CNTNAP2: variants seen among roughly 807,000 people sequenced by gnomAD.
The protein encoded by CNTNAP2 is contactin-associated protein-like 2.
CNTNAP2 carries 98 observed loss-of-function variants against 155.2 expected under a neutral mutation model. The observed-to-expected ratio is 0.63, with a 90% CI of 0.54 to 0.75. The LOEUF (loss-of-function observed/expected upper bound fraction) is 0.75. Among genes scored for constraint, CNTNAP2 ranks in the 30% least tolerant of loss-of-function variants. The probability of loss-of-function intolerance (pLI) is 0.00; values close to 1 mark genes in which losing one functional copy is unlikely to be tolerated. For synonymous variants in CNTNAP2, 651 were observed against 631.2 expected (o/e 1.03, Z -0.47); for missense variants, 1,727 against 1,688.1 (o/e 1.02, Z -0.40).
At chr7:146,302,586 G>C (rs1800630017) in intron 1 of CNTNAP2, among the ~76,000 whole-genome samples, 1 of 152,090 alleles carries the variant, frequency 6.6e-6, no homozygotes, top group Non-Finnish European at 1.5e-5. Context: ...GCACAATATT[G>C]CGTATCTAAA....
chr7:146,840,579 T>G (rs1311618419), intron 3 of CNTNAP2, among the ~76,000 whole-genome samples: 1 of 151,852 alleles, frequency 6.6e-6, no homozygotes, highest in African/African-American at 2.4e-5. Context: ...TCATCAATAT[T>G]AAACCAGAAG....
intron 1 of CNTNAP2, among the ~76,000 whole-genome samples, chr7:146,248,623 G>T (rs1799704691): frequency 6.6e-6 from 1 of 152,182 alleles, no homozygotes; most frequent in Non-Finnish European, 1.5e-5. Flanking sequence ...GAGGTTGAGG[G>T]ATGGTGAGGG....
intron 3 of CNTNAP2, among the ~76,000 whole-genome samples, chr7:147,039,333 A>G (rs952781152): frequency 2.0e-5 from 3 of 152,020 alleles, no homozygotes; most frequent in Non-Finnish European, 4.4e-5. Flanking sequence ...CCAGTACCCA[A>G]TAGTTATCCT....
intron 1 of CNTNAP2, among the ~76,000 whole-genome samples, chr7:146,382,105 T>C (rs1376179624): frequency 1.3e-5 from 2 of 152,310 alleles, no homozygotes; most frequent in East Asian, 3.9e-4. Flanking sequence ...GAGCAAGGTA[T>C]TGTCAGGTTA....
At chr7:147,573,550 A>G (rs1208239268) in intron 12 of CNTNAP2, among the ~76,000 whole-genome samples, 2 of 152,188 alleles carry the variant, frequency 1.3e-5, no homozygotes, top group Admixed American at 6.5e-5. Context: ...TTGAGAGATG[A>G]AATGAATGCC....
intron 16 of CNTNAP2, among the ~76,000 whole-genome samples, chr7:148,135,712 G>T (rs923822336): frequency 6.6e-6 from 1 of 150,652 alleles, no homozygotes. Context: ...AGCTGGGTGT[G>T]GTGGCAGGTG....
At chr7:146,568,071 T>C (rs909741643) in intron 1 of CNTNAP2, among the ~76,000 whole-genome samples, 1 of 152,176 alleles carries the variant, frequency 6.6e-6, no homozygotes, top group Non-Finnish European at 1.5e-5. Context: ...TGTTGGCACA[T>C]AGTATGATCA....
At chr7:147,624,470 AAAG>A (rs1371490535) in intron 12 of CNTNAP2, among the ~76,000 whole-genome samples, 1 of 152,234 alleles carries the variant, frequency 6.6e-6, no homozygotes, top group African/African-American at 2.4e-5. Flanking sequence ...ACATTTCTCA[AAAG>A]AAGACATACA....
intron 3 of CNTNAP2, among the ~76,000 whole-genome samples, chr7:146,926,609 T>A (rs1374093055): frequency 6.6e-6 from 1 of 152,124 alleles, no homozygotes; most frequent in Non-Finnish European, 1.5e-5. Flanking sequence ...CCCAGGCTTG[T>A]GATCTCTGAA....
At chr7:146,192,517 G>A (rs551220609) in intron 1 of CNTNAP2, among the ~76,000 whole-genome samples, 5 of 152,254 alleles carry the variant, frequency 3.3e-5, no homozygotes, top group Non-Finnish European at 7.4e-5. Context: ...ATGGTGGCAG[G>A]CAAGAGAGCA....
intron 20 of CNTNAP2, among the ~76,000 whole-genome samples, chr7:148,262,103 G>C (rs1014197094): frequency 3.3e-5 from 5 of 152,158 alleles, no homozygotes; most frequent in African/African-American, 1.2e-4. Flanking sequence ...GTGGCTCTAA[G>C]AGTCAGGAAG....
chr7:146,211,061 TTAGA>T (rs1200347057), intron 1 of CNTNAP2, among the ~76,000 whole-genome samples: 3 of 152,148 alleles, frequency 2.0e-5, no homozygotes, highest in African/African-American at 4.8e-5. Flanking sequence ...ATGTGTTGAC[TTAGA>T]TAGAGGCCTT....
At chr7:147,915,590 A>G (rs2116770804) in intron 14 of CNTNAP2, among the ~76,000 whole-genome samples, 1 of 152,126 alleles carries the variant, frequency 6.6e-6, no homozygotes, top group Non-Finnish European at 1.5e-5. Flanking sequence ...GTTAAAATGG[A>G]CAGCTATCAA....
intron 1 of CNTNAP2, among the ~76,000 whole-genome samples, chr7:146,352,668 T>G (rs1175177643): frequency 2.8e-5 from 4 of 142,860 alleles, no homozygotes; most frequent in Non-Finnish European, 4.5e-5. Context: ...CTTTGGGAGA[T>G]TTATTATAAA....
In CNTNAP2 at chr7:146,817,098, A is replaced by G. The variant is rs118135815; in HGVS notation, c.209-22613A>G. 9.3e-3 allele frequency among the ~76,000 whole-genome samples: 1,418 copies of G among 152,226 alleles called. 13 individuals are homozygous for G. The highest frequency in any genetic ancestry group is 0.035 in the South Asian group (169 of 4,828). On this transcript the variant is annotated intron_variant, in intron 2 of 23. Transcript: ENST00000361727. ...GGATAACACAGTGTCTCTGATCCCC[A>G]GATAGTATAGAATAGAAAGGAAAAC...
intron 1 of CNTNAP2, among the ~76,000 whole-genome samples, chr7:146,266,650 A>G (rs1430214120): frequency 6.6e-6 from 1 of 152,198 alleles, no homozygotes; most frequent in Non-Finnish European, 1.5e-5. Flanking sequence ...GCAGAATGGG[A>G]GGCAGTAAAA....
At chr7:147,551,507 A>G (rs1173892908) in intron 11 of CNTNAP2, among the ~76,000 whole-genome samples, 1 of 152,228 alleles carries the variant, frequency 6.6e-6, no homozygotes, top group African/African-American at 2.4e-5. Flanking sequence ...CAGAATCTCA[A>G]GCAATGTAAG....
intron 1 of CNTNAP2, among the ~76,000 whole-genome samples, chr7:146,748,366 G>C (rs546340898): frequency 1.6e-4 from 25 of 151,818 alleles, no homozygotes; most frequent in South Asian, 1.2e-3. Flanking sequence ...AGGATGGTCT[G>C]GATCTCCTGA....
intron 15 of CNTNAP2, among the ~76,000 whole-genome samples, chr7:148,051,351 G>C (rs986466290): frequency 6.6e-6 from 1 of 151,912 alleles, no homozygotes; most frequent in Non-Finnish European, 1.5e-5. Flanking sequence ...ATGTCCTGGC[G>C]GGAGTTGGTT....
Sources: gnomAD v4.1 joint callset for allele counts (sites outside exome capture counted in the v4.1 genomes callset) on GRCh38, gnomAD v4.1.1 for gene constraint, MANE v1.5 for transcripts, NCBI Gene and HGNC (gene_info 2026-07-23, HGNC 2026-07-21) for gene names.